CLNS1A: variants seen among roughly 807,000 people sequenced by gnomAD.
CLNS1A encodes chloride nucleotide-sensitive channel 1A, also known as methylosome subunit pICln.
A neutral mutation model predicts 29.4 loss-of-function variants in CLNS1A; 16 were observed. That is an observed-to-expected ratio of 0.54 (90% CI 0.37 to 0.83). CLNS1A has a LOEUF of 0.83. CLNS1A is among the 40% of genes least tolerant of loss of function. The pLI, the probability that CLNS1A is intolerant of heterozygous loss-of-function variation, is 0.00. For missense variants in CLNS1A, 235 were observed against 287.4 expected, an observed-to-expected ratio of 0.82 and a Z score of 1.32; for synonymous variants, 96 against 104.8, an observed-to-expected ratio of 0.92 and a Z score of 0.51.
chr11:77,619,503 GAC>G (rs1958935605), intron 6 of CLNS1A, 101 bp downstream of exon 6: 1 of 774,268 alleles, frequency 1.3e-6, no homozygotes, highest in Non-Finnish European at 2.2e-6. Context: ...TAGCCTGGGT[GAC>G]AGAGTAAGAC....
At chr11:77,636,553 G>A (rs536444526) in intron 1 of CLNS1A, among the ~76,000 whole-genome samples, 4 of 152,050 alleles carry the variant, frequency 2.6e-5, no homozygotes, top group Admixed American at 1.3e-4. Context: ...TTGTGCTCTG[G>A]ATTCTGTAGT....
At chr11:77,626,868 A>ATT (rs113013355) in intron 2 of CLNS1A, among the ~76,000 whole-genome samples, 2 of 148,856 alleles carry the variant, frequency 1.3e-5, no homozygotes, top group East Asian at 2.1e-4. Context: ...ATTTTTTTGT[A>ATT]TTTTTTTTAG....
chr11:77,633,878 A>T (rs952889666), intron 1 of CLNS1A, among the ~76,000 whole-genome samples: 3 of 152,100 alleles, frequency 2.0e-5, no homozygotes, highest in Non-Finnish European at 4.4e-5. Flanking sequence ...AGGCAGATGG[A>T]TCATCTAAGT....
Position 77,625,066 on chromosome 11 carries a change from C to G in CLNS1A, c.369G>C (p.Glu123Asp), listed in dbSNP as rs760059138. ...RFVPSDKSAL[E>D]AMFTAMCECQ... ...ATTCGCACATTGCAGTGAACATTGCCTCCACTGAACAAGGAAATTAAACTG... is the reference window on the plus strand; with the variant it reads ...ATTCGCACATTGCAGTGAACATTGCGTCCACTGAACAAGGAAATTAAACTG... Residue 123 changes from glutamate (E) to aspartate (D), a missense_variant, in exon 4 of 7, where the codon GAG (glutamate) becomes GAC (aspartate). Glu to Asp is a conservative substitution (Grantham distance 45). Transcript: ENST00000525428. The G allele has an allele frequency of 4.4e-6, 7 of 1,604,120 alleles. No homozygotes were observed. The highest frequency in any genetic ancestry group is 1.3e-5 in the African/African-American group (1 of 74,584).
At chr11:77,619,386 C>A in intron 6 of CLNS1A, 2 of 456,270 alleles carry the variant, frequency 4.4e-6, no homozygotes, top group Non-Finnish European at 7.8e-6. Context: ...TTAAAATAAG[C>A]TGGGTGTGGT....
intron 1 of CLNS1A, among the ~76,000 whole-genome samples, chr11:77,636,253 A>G (rs1241189478): frequency 6.6e-6 from 1 of 151,994 alleles, no homozygotes; most frequent in Non-Finnish European, 1.5e-5. Flanking sequence ...TTTTTTGTAG[A>G]GACTGGGTTT....
intron 1 of CLNS1A, among the ~76,000 whole-genome samples, chr11:77,633,022 G>C (rs1183336656): frequency 6.7e-6 from 1 of 150,294 alleles, no homozygotes; most frequent in Non-Finnish European, 1.5e-5. Flanking sequence ...AGGAGGCGGA[G>C]GTTGCAGTGA....
rs748657979 is a variant in CLNS1A at position 77,629,884 on chromosome 11, T to C, written c.141A>G (p.Leu47=). 44 of 1,613,960 alleles carry C rather than the reference T, an allele frequency of 2.7e-5. No individual in the cohort carries two copies. The highest frequency in any genetic ancestry group is 3.6e-5 in the Non-Finnish European group (43 of 1,179,934). Reference sequence around the variant, plus strand: ...GTGAGAATCCTAATCCAGAGCCATCTAACCAAGACAGGCGGCTGAAAAACA... The same window carrying C: ...GTGAGAATCCTAATCCAGAGCCATCCAACCAAGACAGGCGGCTGAAAAACA... ...LYIAESRLSW[L]DGSGLGFSLE... The change falls in exon 2 of 7, where the codon TTA becomes TTG. Residue 47 remains leucine (L), a synonymous_variant. Coordinates refer to ENST00000525428, the MANE Select transcript of CLNS1A (RefSeq NM_001293.3).
intron 5 of CLNS1A, among the ~76,000 whole-genome samples, chr11:77,620,976 C>T (rs932394973): frequency 2.2e-4 from 33 of 151,592 alleles, no homozygotes; most frequent in Non-Finnish European, 3.5e-4. Flanking sequence ...AGTGAGACTC[C>T]GTCTTAAATA....
At chr11:77,637,290 G>GA (rs1959139763) in intron 1 of CLNS1A, among the ~76,000 whole-genome samples, 2 of 56,842 alleles carry the variant, frequency 3.5e-5, no homozygotes, top group Non-Finnish European at 6.9e-5. Context: ...AAGAAAAGAA[G>GA]AAGAAAGAAA....
intron 5 of CLNS1A, among the ~76,000 whole-genome samples, chr11:77,620,364 C>T (rs931984426): frequency 6.6e-6 from 1 of 152,226 alleles, no homozygotes; most frequent in Non-Finnish European, 1.5e-5. Flanking sequence ...TGATTTGCTC[C>T]TCGTCTTCCA....
At chr11:77,637,133 A>T (rs1241503362) in intron 1 of CLNS1A, among the ~76,000 whole-genome samples, 1 of 151,408 alleles carries the variant, frequency 6.6e-6, no homozygotes, top group Non-Finnish European at 1.5e-5. Flanking sequence ...CAGAGAGGGG[A>T]ACATCTCCTG....
At chr11:77,625,195 A>T in intron 3 of CLNS1A, 125 bp from the exon 4 acceptor site, 1 of 654,844 alleles carries the variant, frequency 1.5e-6, no homozygotes, top group Non-Finnish European at 2.7e-6. Flanking sequence ...TGTAAGATCA[A>T]TCTTGAAAGC....
intron 5 of CLNS1A, 26 bp downstream of exon 5, chr11:77,622,474 T>C (rs762142514): frequency 6.5e-7 from 1 of 1,544,754 alleles, no homozygotes; most frequent in Admixed American, 2.1e-5. Flanking sequence ...CTCATCTGAC[T>C]GTTCACACTG....
chr11:77,635,916 T>C (rs7942838), intron 1 of CLNS1A, among the ~76,000 whole-genome samples: 27,492 of 152,046 alleles, frequency 0.18, 3,176 homozygotes, highest in African/African-American at 0.31. Flanking sequence ...GTTTCTTCTT[T>C]CATGACCCAC....
At chr11:77,632,226 C>A (rs1293106544) in intron 1 of CLNS1A, among the ~76,000 whole-genome samples, 1 of 152,174 alleles carries the variant, frequency 6.6e-6, no homozygotes, top group East Asian at 1.9e-4. Flanking sequence ...TCACGAGTCC[C>A]CTACAAAAGC....
chr11:77,615,475 T>G lies in CLNS1A; in HGVS notation c.*1243A>C, dbSNP rs1958899464. The G allele has an allele frequency of 6.6e-6, 1 of 152,170 alleles. No individual in the cohort carries two copies. Among genetic ancestry groups the G allele is most frequent in the Admixed American group, 6.5e-5 (1 of 15,270 alleles). 9.4% of individuals were successfully genotyped at this position (152,170 alleles called of 1,614,324 possible). A position where few individuals can be genotyped will look rare whatever the true frequency, so the allele number is the denominator to read the frequency against. On this transcript the variant is annotated 3_prime_UTR_variant, in exon 7 of 7. Coordinates refer to ENST00000525428, the MANE Select transcript of CLNS1A (RefSeq NM_001293.3). ...TACCTCTCTCTATAACTCAGTTTCC[T>G]CAACTATAAAGTGGGATAAAAGCGT...
chr11:77,624,140 C>G (rs1453601450), intron 4 of CLNS1A, among the ~76,000 whole-genome samples: 4 of 152,196 alleles, frequency 2.6e-5, no homozygotes, highest in African/African-American at 9.7e-5. Context: ...TGGCGCAAGC[C>G]TGTAGTCCCA....
At chr11:77,621,745 G>A (rs929499525) in intron 5 of CLNS1A, 7 of 285,156 alleles carry the variant, frequency 2.5e-5, no homozygotes, top group Admixed American at 2.4e-4. Context: ...TTTCTGTGGA[G>A]GTTATTTTTT....
Sources: allele counts gnomAD v4.1 joint callset (sites outside exome capture counted in the v4.1 genomes callset), GRCh38; gene constraint gnomAD v4.1.1; transcripts MANE v1.5; gene names NCBI Gene and HGNC (gene_info 2026-07-23, HGNC 2026-07-21).